Variants in VPS53 observed in about 807,000 individuals in gnomAD.
VPS53 encodes VPS53 subunit of GARP complex.
A neutral mutation model predicts 107.0 loss-of-function variants in VPS53; 70 were observed. The ratio of observed to expected loss-of-function variants is 0.65; its 90% confidence interval spans 0.54 to 0.80. VPS53 has a LOEUF of 0.80. VPS53 is among the 30% of genes least tolerant of loss of function. The pLI, the probability that VPS53 is intolerant of heterozygous loss-of-function variation, is 0.00. For synonymous variants in VPS53, 409 were observed against 393.3 expected (o/e 1.04, Z -0.47); for missense variants, 917 against 1,049.4 (o/e 0.87, Z 1.74).
In VPS53 at chr17:657,517, G is replaced by A. The variant is rs1037187308; in HGVS notation, c.373-1564C>T. On this transcript the variant is annotated intron_variant, in intron 5 of 21. Coordinates refer to ENST00000437048, the MANE Select transcript of VPS53 (RefSeq NM_001128159.3). ...ATCCAATGCTTTGGAGCTGCTACCC[G>A]CTTCAGATGCTTCTTGGCACCACGA... is the stretch of plus-strand genomic sequence containing the variant. 4.1e-5 allele frequency: 60 copies of A among 1,473,524 alleles called. No homozygotes were observed. In the Middle Eastern group the frequency reaches 5.3e-4, roughly 13 times the overall value. 91.3% of individuals were successfully genotyped at this position (1,473,524 alleles called of 1,614,324 possible). A position where few individuals can be genotyped will look rare whatever the true frequency, so the allele number is the denominator to read the frequency against.
intron 12 of VPS53, among the ~76,000 whole-genome samples, chr17:600,581 G>A (rs1968283691): frequency 6.6e-6 from 1 of 152,226 alleles, no homozygotes; most frequent in South Asian, 2.1e-4. Context: ...TCCTCAAGAT[G>A]TCCCATCAGT....
intron 2 of VPS53, among the ~76,000 whole-genome samples, chr17:699,862 A>T (rs1466098959): frequency 6.6e-6 from 1 of 152,246 alleles, no homozygotes; most frequent in Non-Finnish European, 1.5e-5. Flanking sequence ...GCCAGACACA[A>T]GGGGACAGAG....
intron 19 of VPS53, among the ~76,000 whole-genome samples, chr17:523,732 G>T (rs1200180950): frequency 6.6e-6 from 1 of 152,166 alleles, no homozygotes; most frequent in Non-Finnish European, 1.5e-5. Context: ...AAAGTGCAGG[G>T]CATTTTGGAC....
Position 573,115 on chromosome 17 carries a change from T to A in VPS53, c.1314-10370A>T, listed in dbSNP as rs1662575. Among the ~76,000 whole-genome samples, 1,450 of 152,362 alleles carry A rather than the reference T, an allele frequency of 9.5e-3. 29 individuals carry two copies. Among genetic ancestry groups the A allele is most frequent in the African/African-American group, 0.033 (1,377 of 41,574 alleles). ...GGCTCTAGAAAAGCATGAGTTCTAG[T>A]CTAACAAAAGTTATTAGAGGGAACT... On this transcript the variant is annotated intron_variant, in intron 13 of 21. Coordinates refer to ENST00000437048, the MANE Select transcript of VPS53 (RefSeq NM_001128159.3).
At chr17:656,927 G>A (rs2143542945) in intron 5 of VPS53, 1 of 1,311,316 alleles carries the variant, frequency 7.6e-7, no homozygotes, top group Non-Finnish European at 1.1e-6. Context: ...GGAAACTTGA[G>A]TGCCAAAGCT....
intron 4 of VPS53, among the ~76,000 whole-genome samples, chr17:669,401 C>T (rs544407474): frequency 3.3e-5 from 5 of 152,008 alleles, no homozygotes; most frequent in African/African-American, 1.2e-4. Flanking sequence ...ACCAGTCTGA[C>T]CAACATGACG....
intron 4 of VPS53, chr17:674,953 A>C (rs1293838841): frequency 6.6e-6 from 1 of 152,244 alleles, no homozygotes; most frequent in African/African-American, 2.4e-5. Context: ...GAATCGAGTA[A>C]ATCAAGTAAA....
intron 7 of VPS53, among the ~76,000 whole-genome samples, chr17:648,232 T>C (rs548283483): frequency 1.3e-5 from 2 of 152,270 alleles, no homozygotes; most frequent in African/African-American, 4.8e-5. Flanking sequence ...GCATTCTTGA[T>C]CAGACTAATA....
At position 537,078 on chromosome 17, in the gene VPS53, G is replaced by C; in HGVS notation, c.1965C>G (p.Asn655Lys). 3 of 1,614,210 alleles carry C rather than the reference G, an allele frequency of 1.9e-6. No individual in the cohort carries two copies. Among genetic ancestry groups the C allele is most frequent in the Non-Finnish European group, 2.5e-6 (3 of 1,180,040 alleles). ...TGAAGTACTTGCGTGTGGAAGCCAG[G>C]TTGTCACGGATGATGGGGACGTTCT... is the stretch of plus-strand genomic sequence containing the variant. ...IKQNVPIIRD[N>K]LASTRKYFTQ... Residue 655 changes from asparagine (N) to lysine (K), a missense_variant, in exon 18 of 22, where the codon AAC becomes AAG. Coordinates refer to ENST00000437048, the MANE Select transcript of VPS53 (RefSeq NM_001128159.3).
chr17:607,202 T>C (rs1968626456), intron 11 of VPS53, among the ~76,000 whole-genome samples: 1 of 152,152 alleles, frequency 6.6e-6, no homozygotes, highest in African/African-American at 2.4e-5. Context: ...GCATGCAGGC[T>C]TAAAAGTCTT....
intron 12 of VPS53, among the ~76,000 whole-genome samples, chr17:587,902 T>A (rs1967406838): frequency 6.6e-6 from 1 of 152,182 alleles, no homozygotes; most frequent in African/African-American, 2.4e-5. Flanking sequence ...AATGTATACA[T>A]CTTGATGCGT....
intron 2 of VPS53, among the ~76,000 whole-genome samples, chr17:708,037 T>A (rs1973485163): frequency 6.6e-6 from 1 of 152,158 alleles, no homozygotes; most frequent in South Asian, 2.1e-4. Flanking sequence ...GCCTTGGTCC[T>A]GTGTTTAGAA....
At chr17:714,360 CCTCT>C (rs747467733) in intron 1 of VPS53, 1 of 516,992 alleles carries the variant, frequency 1.9e-6, no homozygotes, top group Non-Finnish European at 3.4e-6. Flanking sequence ...CTAGCGTCGT[CCTCT>C]CTAAGCGCAC....
intron 4 of VPS53, among the ~76,000 whole-genome samples, chr17:667,656 G>C (rs1290173944): frequency 1.1e-4 from 1 of 8,748 alleles, no homozygotes; most frequent in African/African-American, 2.4e-4. Context: ...ATAATGTTCT[G>C]GGGGGGGGGG....
chr17:665,206 C>T (rs556268250), intron 4 of VPS53, among the ~76,000 whole-genome samples: 1 of 152,334 alleles, frequency 6.6e-6, no homozygotes, highest in Admixed American at 6.5e-5. Context: ...CTTTCTCGTG[C>T]ATGCACACAC....
Position 654,555 on chromosome 17 carries a change from G to A in VPS53, c.489-1145C>T, listed in dbSNP as rs1006592620. The stretch of plus-strand genomic sequence containing the variant: ...AGATCGAGACCATCCTGGCTAACAC[G>A]GCGAAACCCCGTCTCTACTAAAAAT... On this transcript the variant is annotated intron_variant, in intron 6 of 21. Coordinates refer to ENST00000437048, the MANE Select transcript of VPS53 (RefSeq NM_001128159.3). Among the ~76,000 whole-genome samples the A allele has an allele frequency of 6.6e-5, 10 of 151,888 alleles. No individual in the cohort carries two copies. The East Asian group carries it at 7.8e-4, about 12-fold the overall frequency.
chr17:586,023 G>T (rs1287330202), intron 13 of VPS53, among the ~76,000 whole-genome samples: 1 of 152,148 alleles, frequency 6.6e-6, no homozygotes, highest in African/African-American at 2.4e-5. Flanking sequence ...ACCCACATAG[G>T]AAGGGATCCC....
intron 14 of VPS53, 85 bp from the exon 15 acceptor site, chr17:560,658 A>G (rs1912865755): frequency 6.6e-7 from 1 of 1,508,520 alleles, no homozygotes. Flanking sequence ...AAGATACAGA[A>G]AAGGGGGAAG....
intron 15 of VPS53, among the ~76,000 whole-genome samples, chr17:558,426 G>A (rs886476111): frequency 6.6e-6 from 1 of 152,100 alleles, no homozygotes; most frequent in Non-Finnish European, 1.5e-5. Context: ...AAGATCAGGA[G>A]ATCGAGACTA....
Sources: allele counts gnomAD v4.1 joint callset (sites outside exome capture counted in the v4.1 genomes callset), GRCh38; gene constraint gnomAD v4.1.1; transcripts MANE v1.5; gene names NCBI Gene and HGNC (gene_info 2026-07-23, HGNC 2026-07-21).